The following NUB1 variants were observed in gnomAD, a reference collection of about 807,000 sequenced individuals.
The protein encoded by NUB1 is NEDD8 ultimate buster 1.
A neutral mutation model predicts 77.1 loss-of-function variants in NUB1; 41 were observed. That is an observed-to-expected ratio of 0.53 (90% CI 0.41 to 0.69). The LOEUF is 0.69. Among genes scored for constraint, NUB1 ranks in the 30% least tolerant of loss-of-function variants. The pLI is 0.00. For synonymous variants in NUB1, 257 were observed against 281.0 expected (o/e 0.91, Z 0.85); for missense variants, 643 against 743.8 (o/e 0.86, Z 1.58).
At chr7:151,370,253 T>C (rs998608832) in intron 11 of NUB1, among the ~76,000 whole-genome samples, 3 of 152,134 alleles carry the variant, frequency 2.0e-5, no homozygotes, top group African/African-American at 7.2e-5. Context: ...CGCCCAGCTT[T>C]ACTTTTTGTA....
intron 3 of NUB1, among the ~76,000 whole-genome samples, chr7:151,349,874 C>A (rs1796702239): frequency 6.6e-6 from 1 of 152,200 alleles, no homozygotes; most frequent in Admixed American, 6.5e-5. Context: ...GAAGAAAAGA[C>A]AGTTGGGCCC....
At position 151,375,918 on chromosome 7, in the gene NUB1, G is replaced by A. The variant is rs1798199834; in HGVS notation, c.1466G>A (p.Ser489Asn). The change falls in exon 13 of 15, where the codon AGT (serine) becomes AAT (asparagine). Residue 489 changes from serine to asparagine, a missense_variant. Ser to Asn is a conservative substitution (Grantham distance 46). Coordinates refer to ENST00000568733, the MANE Select transcript of NUB1 (RefSeq NM_001243351.2). The stretch of plus-strand genomic sequence containing the variant: ...CCTGAAACCGACAACCGTCAAGAAA[G>A]TCCTTCCCAGGAAAACATTGACCGA... ...SNPETDNRQE[S>N]PSQENIDRLV... 6.2e-7 allele frequency: 1 copy of A among 1,612,632 alleles called. No individual in the cohort carries two copies. The highest frequency in any genetic ancestry group is 8.5e-7 in the Non-Finnish European group (1 of 1,178,670).
intron 11 of NUB1, among the ~76,000 whole-genome samples, chr7:151,372,263 C>T (rs973197496): frequency 1.3e-5 from 2 of 152,218 alleles, no homozygotes. Context: ...TTGATTTGAT[C>T]TACTTTATCT....
Position 151,376,692 on chromosome 7 carries a change from G to A in NUB1, c.1550G>A (p.Gly517Asp), listed in dbSNP as rs1440911882. ...GAAGCTGCGCTGAGAGTGTTCAGAG[G>A]CAACGTCCAGCTGGCCGCCCAGACC... ...VAEAALRVFRGNVQLAAQTLA... is the reference protein window; with the variant it reads ...VAEAALRVFRDNVQLAAQTLA... Residue 517 changes from glycine to aspartate, a missense_variant, in exon 14 of 15, where the codon GGC (glycine) becomes GAC (aspartate). Coordinates refer to ENST00000568733, the MANE Select transcript of NUB1 (RefSeq NM_001243351.2). 6 of 1,610,382 alleles carry A rather than the reference G, an allele frequency of 3.7e-6. No homozygotes were observed. The South Asian group carries it at 6.6e-5, about 18-fold the overall frequency.
intron 2 of NUB1, among the ~76,000 whole-genome samples, chr7:151,346,661 C>T (rs115799346): frequency 0.041 from 6,193 of 152,282 alleles, 143 homozygotes; most frequent in Admixed American, 0.069. Context: ...ATCCACATGT[C>T]GGGATGTACA....
At chr7:151,366,851 G>T (rs1797712529) in intron 8 of NUB1, 88 bp from the exon 9 acceptor site, 2 of 1,043,120 alleles carry the variant, frequency 1.9e-6, no homozygotes, top group African/African-American at 1.6e-5. Context: ...AACGGGGAAA[G>T]AATTCCAGTC....
intron 4 of NUB1, chr7:151,352,161 C>T (rs983052856): frequency 1.8e-5 from 8 of 456,584 alleles, no homozygotes; most frequent in Non-Finnish European, 3.5e-5. Context: ...GGATCAGCCC[C>T]CGCTATGGGC....
At chr7:151,360,020 ATTGAG>A in intron 7 of NUB1, 116 bp from the exon 8 acceptor site, 1 of 535,378 alleles carries the variant, frequency 1.9e-6, no homozygotes, top group East Asian at 2.9e-5. Flanking sequence ...TGGCTTTTAG[ATTGAG>A]TTATGATCTT....
intron 3 of NUB1, 36 bp from the exon 4 acceptor site, chr7:151,351,388 A>G: frequency 6.7e-7 from 1 of 1,500,562 alleles, no homozygotes; most frequent in Non-Finnish European, 9.2e-7. Flanking sequence ...AATGGGTTAA[A>G]TTCAAGTACG....
chr7:151,348,829 C>T (rs889322536), intron 2 of NUB1, among the ~76,000 whole-genome samples: 1 of 151,954 alleles, frequency 6.6e-6, no homozygotes, highest in African/African-American at 2.4e-5. Flanking sequence ...CCTGCCTCGG[C>T]CTCCCAAAGT....
chr7:151,350,949 C>T (rs529598699), intron 3 of NUB1, among the ~76,000 whole-genome samples: 4 of 152,306 alleles, frequency 2.6e-5, no homozygotes, highest in South Asian at 2.1e-4. Context: ...GCGTCCACAA[C>T]GTGGGTGCAC....
In NUB1 at chr7:151,343,790, C is replaced by T. The variant is rs1035289187; in HGVS notation, c.-2-1558C>T. On this transcript the variant is annotated intron_variant, in intron 1 of 14. Coordinates refer to ENST00000568733, the MANE Select transcript of NUB1 (RefSeq NM_001243351.2). ...CAGTGTTGTGGGTGGAAGTTGTGCT[C>T]GTTAAGATGCTGCCTAATTTTGTGT... Among the ~76,000 whole-genome samples the T allele has an allele frequency of 2.0e-5, 3 of 152,080 alleles. No homozygotes were observed. In the South Asian group the frequency reaches 6.2e-4, roughly 32 times the overall value.
intron 3 of NUB1, among the ~76,000 whole-genome samples, chr7:151,350,045 G>C: frequency 6.6e-6 from 1 of 152,212 alleles, no homozygotes; most frequent in East Asian, 1.9e-4. Flanking sequence ...CGGACAGGGG[G>C]CCTTTCCCTT....
chr7:151,366,844 G>A (rs889796919), intron 8 of NUB1, 95 bp from the exon 9 acceptor site: 14 of 958,322 alleles, frequency 1.5e-5, no homozygotes, highest in Middle Eastern at 3.2e-4. Context: ...TACCAAGAAC[G>A]GGGAAAGAAT....
chr7:151,372,120 G>A (rs912137484), intron 11 of NUB1, among the ~76,000 whole-genome samples: 1 of 152,238 alleles, frequency 6.6e-6, no homozygotes, highest in African/African-American at 2.4e-5. Context: ...CACAGATCAT[G>A]CTTCGGCATG....
intron 7 of NUB1, among the ~76,000 whole-genome samples, chr7:151,357,586 C>G (rs1233089417): frequency 6.7e-6 from 1 of 149,712 alleles, no homozygotes; most frequent in African/African-American, 2.5e-5. Flanking sequence ...ATGAGTTACT[C>G]TGTTTAAAAT....
At chr7:151,346,609 C>A (rs1442342018) in intron 2 of NUB1, among the ~76,000 whole-genome samples, 1 of 152,164 alleles carries the variant, frequency 6.6e-6, no homozygotes, top group Non-Finnish European at 1.5e-5. Flanking sequence ...CATACAAACC[C>A]CTAAGTGACA....
At chr7:151,374,383 C>A in intron 12 of NUB1, 140 bp downstream of exon 12, 1 of 1,148,762 alleles carries the variant, frequency 8.7e-7, no homozygotes, top group Non-Finnish European at 1.3e-6. Context: ...CAGGTTTCTC[C>A]TGGGCTCCAG....
intron 3 of NUB1, among the ~76,000 whole-genome samples, chr7:151,349,558 G>A (rs1225594521): frequency 6.6e-6 from 1 of 152,210 alleles, no homozygotes; most frequent in East Asian, 1.9e-4. Flanking sequence ...GCCTGTGCAG[G>A]AGGACACAGC....
Sources: gnomAD v4.1 joint callset for allele counts (sites outside exome capture counted in the v4.1 genomes callset) on GRCh38, gnomAD v4.1.1 for gene constraint, MANE v1.5 for transcripts, NCBI Gene and HGNC (gene_info 2026-07-23, HGNC 2026-07-21) for gene names.